Variants in SKP2 observed in about 807,000 individuals in gnomAD.
SKP2 encodes the protein S-phase kinase associated protein 2, also known as S-phase kinase-associated protein 2.
SKP2 carries 16 observed loss-of-function variants against 51.8 expected under a neutral mutation model. The ratio of observed to expected loss-of-function variants is 0.31; its 90% confidence interval spans 0.21 to 0.47. The LOEUF is 0.47. Ranked by LOEUF, SKP2 falls within the 20% of genes least tolerant of loss-of-function variation. The pLI is 1.00. For missense variants in SKP2, 377 were observed against 505.3 expected (o/e 0.75, Z 2.43); for synonymous variants, 176 against 198.6 (o/e 0.89, Z 0.96).
At chr5:36,174,082 T>C (rs1745556730) in intron 7 of SKP2, among the ~76,000 whole-genome samples, 1 of 152,158 alleles carries the variant, frequency 6.6e-6, no homozygotes, top group Non-Finnish European at 1.5e-5. Context: ...GTGTTGGCTG[T>C]TAATACTGTT....
intron 7 of SKP2, 64 bp downstream of exon 7, chr5:36,171,797 T>C: frequency 9.2e-6 from 14 of 1,517,028 alleles, no homozygotes; most frequent in Middle Eastern, 1.7e-4. Context: ...TTCATTGAGC[T>C]TCTCCTAATC....
intron 6 of SKP2, among the ~76,000 whole-genome samples, chr5:36,189,403 GTGTGGA>G (rs2112025899): frequency 6.6e-6 from 1 of 152,240 alleles, no homozygotes; most frequent in African/African-American, 2.4e-5. Flanking sequence ...TGGGTTTTTG[GTGTGGA>G]TGTCCTTTCT....
chr5:36,168,719 T>C (rs896768877), intron 5 of SKP2, among the ~76,000 whole-genome samples: 8 of 152,222 alleles, frequency 5.3e-5, no homozygotes, highest in Admixed American at 1.3e-4. Context: ...ATGAATGCTC[T>C]AAAACTTTTC....
chr5:36,174,736 T>G (rs1745577308), intron 7 of SKP2, among the ~76,000 whole-genome samples: 1 of 152,106 alleles, frequency 6.6e-6, no homozygotes, highest in African/African-American at 2.4e-5. Context: ...TTAGATGGAA[T>G]GGTTAAAGAC....
intron 6 of SKP2, among the ~76,000 whole-genome samples, chr5:36,191,392 CTTTT>C (rs201765544): frequency 6.6e-5 from 8 of 122,092 alleles, no homozygotes; most frequent in Admixed American, 1.7e-4. Flanking sequence ...TCATCAAGTT[CTTTT>C]TTTTTTTTTT....
At chr5:36,157,287 T>C (rs1744981674) in intron 2 of SKP2, among the ~76,000 whole-genome samples, 1 of 152,206 alleles carries the variant, frequency 6.6e-6, no homozygotes, top group African/African-American at 2.4e-5. Context: ...GCCCTCATAG[T>C]GCTTATACAC....
chr5:36,175,645 G>T (rs1468441697), intron 7 of SKP2, among the ~76,000 whole-genome samples: 1 of 150,842 alleles, frequency 6.6e-6, no homozygotes, highest in Non-Finnish European at 1.5e-5. Context: ...TTCTTTCTGT[G>T]TATGTGTTTG....
chr5:36,188,232 T>G (rs12657110), downstream of SKP2, among the ~76,000 whole-genome samples: 1,847 of 152,322 alleles, frequency 0.012, 154 homozygotes, highest in East Asian at 0.21. Flanking sequence ...AATTTACCTG[T>G]AAGGTTAATA....
At chr5:36,153,119 G>A in intron 2 of SKP2, 77 bp downstream of exon 2, 1 of 1,413,666 alleles carries the variant, frequency 7.1e-7, no homozygotes, top group South Asian at 1.3e-5. Flanking sequence ...TTTGTTCAGA[G>A]ATCTTTAGCA....
chr5:36,158,254 G>A (rs1418577742), intron 2 of SKP2, among the ~76,000 whole-genome samples: 1 of 152,216 alleles, frequency 6.6e-6, no homozygotes, highest in Non-Finnish European at 1.5e-5. Flanking sequence ...TCCGCTCTCT[G>A]CAAACAGACC....
At position 36,184,183 on chromosome 5, in the gene SKP2, C is replaced by G; in HGVS notation, c.*2152C>G. 1 of 419,714 alleles carries G rather than the reference C, an allele frequency of 2.4e-6. No individual in the cohort carries two copies. The highest frequency in any genetic ancestry group is 4.2e-6 in the Non-Finnish European group (1 of 238,964). 26.0% of individuals were successfully genotyped at this position (419,714 alleles called of 1,614,324 possible). On this transcript the variant is annotated 3_prime_UTR_variant, in exon 10 of 10. Transcript: ENST00000274255. ...GAGCCCTGAGATGGTCCTTTTTGAC[C>G]CATCTACTTCATATGCTTGTCACAT...
At chr5:36,159,794 A>G (rs1310335047) in intron 2 of SKP2, among the ~76,000 whole-genome samples, 2 of 152,152 alleles carry the variant, frequency 1.3e-5, no homozygotes, top group Non-Finnish European at 2.9e-5. Flanking sequence ...ATCACTTCCC[A>G]AATAAACTAC....
chr5:36,153,216 AT>A (rs1744811672), intron 2 of SKP2, among the ~76,000 whole-genome samples, 174 bp downstream of exon 2: 1 of 2,738 alleles, frequency 3.7e-4, no homozygotes, highest in Admixed American at 2.2e-3. Flanking sequence ...CTTGGTAGAT[AT>A]ATATATATAT....
intron 6 of SKP2, among the ~76,000 whole-genome samples, chr5:36,189,633 G>A (rs1171069896): frequency 6.6e-6 from 1 of 152,206 alleles, no homozygotes; most frequent in Non-Finnish European, 1.5e-5. Context: ...TGCCCCTACT[G>A]GGATGTGCCT....
At chr5:36,184,930 T>C (rs957470123), downstream of SKP2, among the ~76,000 whole-genome samples, 1 of 152,208 alleles carries the variant, frequency 6.6e-6, no homozygotes, top group Non-Finnish European at 1.5e-5. Flanking sequence ...ATCTGTTGTT[T>C]CCTGACTTTT....
At chr5:36,154,564 T>A (rs1267523914) in intron 2 of SKP2, among the ~76,000 whole-genome samples, 1 of 152,208 alleles carries the variant, frequency 6.6e-6, no homozygotes, top group Non-Finnish European at 1.5e-5. Flanking sequence ...AGACGGAGTC[T>A]TGCTCTGTTG....
Position 36,189,614 on chromosome 5 carries a change from G to A in SKP2, c.633-3007G>A, listed in dbSNP as rs191642540. 1.5e-3 allele frequency among the ~76,000 whole-genome samples: 234 copies of A among 152,324 alleles called. 1 individual carries two copies. The highest frequency in any genetic ancestry group is 5.0e-3 in the African/African-American group (208 of 41,580). On this transcript the variant is annotated intron_variant, in intron 6 of 7. Transcript: ENST00000677886. ...TCAGAGGGGTTCCTGGCCGTGTGAG[G>A]TGTCAGTCTGCCCCTACTGGGATGT... is the stretch of plus-strand genomic sequence containing the variant.
chr5:36,181,728 G>T, intron 9 of SKP2, 90 bp from the exon 10 acceptor site: 1 of 1,350,436 alleles, frequency 7.4e-7, no homozygotes. Context: ...TTTTGTAGAT[G>T]ACACAAATTG....
chr5:36,178,932 A>G (rs1745718554), intron 9 of SKP2, among the ~76,000 whole-genome samples: 2 of 152,150 alleles, frequency 1.3e-5, no homozygotes, highest in Non-Finnish European at 2.9e-5. Context: ...TAATAATGGC[A>G]TGGTAATACT....
Sources: allele counts gnomAD v4.1 joint callset (sites outside exome capture counted in the v4.1 genomes callset), GRCh38; gene constraint gnomAD v4.1.1; transcripts MANE v1.5; gene names NCBI Gene and HGNC (gene_info 2026-07-23, HGNC 2026-07-21).